The following OSBP variants were observed in gnomAD, a reference collection of about 807,000 sequenced individuals.
OSBP encodes oxysterol binding protein, also known as oxysterol-binding protein 1.
A neutral mutation model predicts 96.6 loss-of-function variants in OSBP; 32 were observed. The observed-to-expected ratio is 0.33, with a 90% CI of 0.25 to 0.45. The LOEUF is 0.45. OSBP is among the 20% of genes least tolerant of loss of function. OSBP has a pLI of 1.00. For missense variants in OSBP, 653 were observed against 1,029.7 expected, an observed-to-expected ratio of 0.63 and a Z score of 5.01; for synonymous variants, 369 against 389.6, an observed-to-expected ratio of 0.95 and a Z score of 0.62.
chr11:59,612,164 G>GACAT (rs1476937938), intron 1 of OSBP, among the ~76,000 whole-genome samples: 1 of 152,230 alleles, frequency 6.6e-6, no homozygotes, highest in African/African-American at 2.4e-5. Context: ...CTGGAAGACA[G>GACAT]GTTTGTTGTT....
At chr11:59,582,694 T>C (rs1860435502) in intron 9 of OSBP, among the ~76,000 whole-genome samples, 1 of 152,224 alleles carries the variant, frequency 6.6e-6, no homozygotes, top group Non-Finnish European at 1.5e-5. Flanking sequence ...TGCTGGCATC[T>C]GAAGCAAGGG....
Position 59,600,867 on chromosome 11 carries a change from AGTACGTCTGTACAGATGG to A in OSBP, c.1125-12_1130del. ...TGCTGGCTCCACTGATATTGCTGCC[AGTACGTCTGTACAGATGG>A]GAAACACAGGAGAATTAGAACAAAG... On this transcript the variant is annotated splice_acceptor_variant and splice_polypyrimidine_tract_variant and coding_sequence_variant and intron_variant, in exon 6 of 14. Coordinates refer to ENST00000263847, the MANE Select transcript of OSBP (RefSeq NM_002556.3). LOFTEE classifies it high-confidence loss of function. The A allele has an allele frequency of 6.2e-7, 1 of 1,613,646 alleles. No individual in the cohort carries two copies. The highest frequency in any genetic ancestry group is 8.5e-7 in the Non-Finnish European group (1 of 1,179,584).
In OSBP at chr11:59,575,206, C is replaced by T. The variant is rs576089034; in HGVS notation, c.*1371G>A. ...AGTTGCCCTCCGGACTTTCTACCCACACTCTTCCTGAAAAGAGAAAGAAAA... is the reference window on the plus strand; with the variant it reads ...AGTTGCCCTCCGGACTTTCTACCCATACTCTTCCTGAAAAGAGAAAGAAAA... On this transcript the variant is annotated 3_prime_UTR_variant, in exon 14 of 14. Transcript: ENST00000263847. 3 of 151,976 alleles carry T rather than the reference C, an allele frequency of 2.0e-5. No individual in the cohort carries two copies. The highest frequency in any genetic ancestry group is 2.9e-5 in the Non-Finnish European group (2 of 67,856). 9.4% of individuals were successfully genotyped at this position (151,976 alleles called of 1,614,324 possible).
At chr11:59,598,818 G>C (rs1860686883) in intron 7 of OSBP, among the ~76,000 whole-genome samples, 1 of 152,198 alleles carries the variant, frequency 6.6e-6, no homozygotes, top group Non-Finnish European at 1.5e-5. Flanking sequence ...TTGAACTCCT[G>C]ACCTCAAGTG....
intron 9 of OSBP, 162 bp downstream of exon 9, chr11:59,593,442 T>G: frequency 1.5e-6 from 1 of 678,984 alleles, no homozygotes; most frequent in South Asian, 1.9e-5. Context: ...CCACACTCAT[T>G]TGATAGCTGA....
intron 7 of OSBP, among the ~76,000 whole-genome samples, chr11:59,594,576 G>A (rs1011101837): frequency 2.6e-5 from 4 of 152,272 alleles, no homozygotes; most frequent in Non-Finnish European, 4.4e-5. Context: ...GGATGAATAA[G>A]TTTTTTAAAA....
intron 7 of OSBP, 37 bp from the exon 8 acceptor site, chr11:59,594,292 C>T (rs775695660): frequency 1.2e-6 from 2 of 1,605,882 alleles, no homozygotes; most frequent in South Asian, 1.1e-5. Context: ...ACTATGCTCA[C>T]TCATCTATAA....
chr11:59,608,381 A>C (rs1860808649), intron 3 of OSBP, 103 bp downstream of exon 3: 1 of 1,387,088 alleles, frequency 7.2e-7, no homozygotes, highest in Non-Finnish European at 1.0e-6. Context: ...AGCAGGCCCT[A>C]ATGTTCTGTG....
In OSBP at chr11:59,576,967, C is replaced by T. The variant is rs1565112845; in HGVS notation, c.2119G>A (p.Glu707Lys). The T allele has an allele frequency of 6.2e-7, 1 of 1,614,196 alleles. No individual in the cohort carries two copies. Among genetic ancestry groups the T allele is most frequent in the Middle Eastern group, 1.7e-4 (1 of 6,060 alleles). The part of the protein sequence containing the change: ...SELALTLNAW[E>K]SGTAPTDSRL... ...CTGTCTGTGGGGGCAGTGCCACTTTCCCAAGCATTGAGAGTCAGAGCAAGC... is the reference window on the plus strand; with the variant it reads ...CTGTCTGTGGGGGCAGTGCCACTTTTCCAAGCATTGAGAGTCAGAGCAAGC... Residue 707 changes from glutamate to lysine, a missense_variant, in exon 13 of 14, where the codon GAA becomes AAA. By Grantham distance (56) the Glu-to-Lys change is moderately conservative (BLOSUM62 1). This residue lies in a region of OSBP where 169 missense variants were observed against 251.5 expected (regional missense o/e 0.67). Coordinates refer to ENST00000263847, the MANE Select transcript of OSBP (RefSeq NM_002556.3).
chr11:59,589,498 G>A (rs1321820148), intron 9 of OSBP, among the ~76,000 whole-genome samples: 4 of 148,876 alleles, frequency 2.7e-5, no homozygotes, highest in Non-Finnish European at 4.5e-5. Context: ...CTACTTGGAA[G>A]GCTGAGGCAG....
chr11:59,601,887 C>T, intron 3 of OSBP, 49 bp from the exon 4 acceptor site: 1 of 1,552,894 alleles, frequency 6.4e-7, no homozygotes, highest in Non-Finnish European at 8.9e-7. Flanking sequence ...TCAGAGTTTC[C>T]CCTCAGGCTT....
intron 12 of OSBP, 41 bp downstream of exon 12, chr11:59,578,108 G>A (rs1292758951): frequency 1.3e-6 from 2 of 1,589,722 alleles, no homozygotes; most frequent in African/African-American, 2.7e-5. Context: ...CCACAGTCAA[G>A]GTCAAAGTGG....
At chr11:59,593,186 G>A (rs1860606923) in intron 9 of OSBP, among the ~76,000 whole-genome samples, 1 of 152,164 alleles carries the variant, frequency 6.6e-6, no homozygotes, top group Non-Finnish European at 1.5e-5. Context: ...TGGAGGAAAA[G>A]GGAGGAAGGA....
At chr11:59,579,095 C>T (rs536910) in intron 11 of OSBP, among the ~76,000 whole-genome samples, 26,018 of 151,998 alleles carry the variant, frequency 0.17, 4,079 homozygotes, top group African/African-American at 0.41. Flanking sequence ...CAAAGATACA[C>T]GTAGCAAAAG....
intron 9 of OSBP, among the ~76,000 whole-genome samples, chr11:59,585,332 C>T (rs1470402481): frequency 2.6e-4 from 40 of 151,410 alleles, no homozygotes; most frequent in African/African-American, 8.8e-4. Flanking sequence ...GCCGCGACCC[C>T]GTCTGGGAGG....
chr11:59,583,366 A>C (rs1423984904), intron 9 of OSBP, among the ~76,000 whole-genome samples: 1 of 152,092 alleles, frequency 6.6e-6, no homozygotes, highest in African/African-American at 2.4e-5. Context: ...GTATAACCCT[A>C]AGTTCTCTCT....
chr11:59,587,683 G>A (rs1860517639), intron 9 of OSBP, among the ~76,000 whole-genome samples: 1 of 152,186 alleles, frequency 6.6e-6, no homozygotes. Flanking sequence ...TTTAAAAAGT[G>A]TTGGCAAGGA....
At position 59,608,727 on chromosome 11, in the gene OSBP, T is replaced by C; in HGVS notation, c.579A>G (p.Ser193=). ...TTTGTGAGACAGACTCTTCATCTCCTGATTCATCTGTAGGAATGAAAAGAA... is the reference window on the plus strand; with the variant it reads ...TTTGTGAGACAGACTCTTCATCTCCCGATTCATCTGTAGGAATGAAAAGAA... ...AVKMLAESDE[S]GDEESVSQTD... is the part of the protein sequence containing the mutation. The change falls in exon 3 of 14, where the codon TCA becomes TCG. Residue 193 remains serine, a synonymous_variant. Coordinates refer to ENST00000263847, the MANE Select transcript of OSBP (RefSeq NM_002556.3). 1 of 1,614,084 alleles carries C rather than the reference T, an allele frequency of 6.2e-7. No individual in the cohort carries two copies. Among genetic ancestry groups the C allele is most frequent in the East Asian group, 2.2e-5 (1 of 44,894 alleles).
intron 10 of OSBP, 65 bp downstream of exon 10, chr11:59,581,386 T>C: frequency 1.1e-6 from 1 of 897,620 alleles, no homozygotes; most frequent in Non-Finnish European, 1.8e-6. Context: ...TCCTAAATAC[T>C]GCAGAAATAT....
Sources: allele counts gnomAD v4.1 joint callset (sites outside exome capture counted in the v4.1 genomes callset), GRCh38; gene constraint gnomAD v4.1.1; regional missense constraint gnomAD v4.1.1; transcripts MANE v1.5; gene names NCBI Gene and HGNC (gene_info 2026-07-23, HGNC 2026-07-21).